LAMA4: variants seen among roughly 807,000 people sequenced by gnomAD.
LAMA4 encodes laminin subunit alpha 4.
In LAMA4, 127 loss-of-function variants were observed where a neutral mutation model predicts 207.1. That is an observed-to-expected ratio of 0.61 (90% CI 0.53 to 0.71). The LOEUF (loss-of-function observed/expected upper bound fraction) is 0.71, where lower values mean the gene tolerates loss of function less well. Ranked by LOEUF, LAMA4 falls within the 30% of genes least tolerant of loss-of-function variation. The pLI is 0.00. For missense variants in LAMA4, 2,093 were observed against 2,246.5 expected, an observed-to-expected ratio of 0.93 and a Z score of 1.38; for synonymous variants, 761 against 816.0, an observed-to-expected ratio of 0.93 and a Z score of 1.15.
chr6:112,234,497 T>C (rs1294741462), intron 2 of LAMA4: 11 of 151,996 alleles, frequency 7.2e-5, no homozygotes, highest in Non-Finnish European at 1.3e-4. Context: ...TGATTTGAAC[T>C]AACTCAAAGG....
chr6:112,161,119 C>T (rs78366040), intron 13 of LAMA4, among the ~76,000 whole-genome samples: 7,684 of 152,182 alleles, frequency 0.05, 262 homozygotes, highest in African/African-American at 0.098. Context: ...CCTTTATTTT[C>T]TGTCTAATCT....
At chr6:112,121,751 T>C in intron 32 of LAMA4, 2 of 399,892 alleles carry the variant, frequency 5.0e-6, no homozygotes, top group Non-Finnish European at 9.4e-6. Context: ...TCCATCTTCC[T>C]TTCCTTGATT....
intron 5 of LAMA4, among the ~76,000 whole-genome samples, chr6:112,197,435 A>G (rs955420907): frequency 2.6e-5 from 4 of 152,332 alleles, no homozygotes; most frequent in South Asian, 2.1e-4. Flanking sequence ...GCGAATTTGC[A>G]TGTAACATGG....
rs782176510 is a variant in LAMA4 at position 112,148,259 on chromosome 6, C to T, written c.2251G>A (p.Ala751Thr). 1 of 1,614,164 alleles carries T rather than the reference C, an allele frequency of 6.2e-7. No individual in the cohort carries two copies. The highest frequency in any genetic ancestry group is 1.1e-5 in the South Asian group (1 of 91,086). ...ANRTTMEVQQATAPMANNLTN... is the reference protein window; with the variant it reads ...ANRTTMEVQQTTAPMANNLTN... ...AGATTGTTGGCCATGGGGGCAGTGG[C>T]CTGCTGCACCTCCATCGTCGTCCTG... The change falls in exon 18 of 39, where the codon GCC (alanine) becomes ACC (threonine). Residue 751 changes from alanine (A) to threonine (T), a missense_variant. Ala to Thr is a moderately conservative substitution (Grantham distance 58). Coordinates refer to ENST00000230538, the MANE Select transcript of LAMA4 (RefSeq NM_001105206.3).
rs1019906271 is a variant in LAMA4 at position 112,108,201 on chromosome 6, A to G, written c.*1236T>C. Among the ~76,000 whole-genome samples the G allele has an allele frequency of 6.6e-6, 1 of 152,014 alleles. No individual in the cohort carries two copies. Among genetic ancestry groups the G allele is most frequent in the Non-Finnish European group, 1.5e-5 (1 of 67,980 alleles). On this transcript the variant is annotated 3_prime_UTR_variant, in exon 39 of 39. Transcript: ENST00000230538. ...TCTCCCCTCAAAAGTTACTCCTTTT[A>G]TGTATTGTTAATTCTGTTGATATCA... is the stretch of plus-strand genomic sequence containing the variant.
chr6:112,152,164 A>T (rs1780441054), intron 16 of LAMA4, among the ~76,000 whole-genome samples: 1 of 152,110 alleles, frequency 6.6e-6, no homozygotes, highest in African/African-American at 2.4e-5. Flanking sequence ...CTGGCTTCAT[A>T]AAACAAGTTC....
At chr6:112,183,950 C>CAAAAAAAAAAAAAAA (rs782424211) in intron 9 of LAMA4, among the ~76,000 whole-genome samples, 1 of 81,734 alleles carries the variant, frequency 1.2e-5, no homozygotes, top group Admixed American at 1.5e-4. Flanking sequence ...GACTCCATCT[C>CAAAAAAAAAAAAAAA]AAAAAAAAAA....
chr6:112,135,801 A>G (rs1269903582), intron 25 of LAMA4: 1 of 294,042 alleles, frequency 3.4e-6, no homozygotes, highest in Non-Finnish European at 6.5e-6. Flanking sequence ...ACTCTGGCTC[A>G]TTCAACAAAT....
chr6:112,134,996 A>G (rs1779256801), intron 25 of LAMA4, among the ~76,000 whole-genome samples: 1 of 152,118 alleles, frequency 6.6e-6, no homozygotes, highest in Non-Finnish European at 1.5e-5. Context: ...AACTACACAT[A>G]TTTTATGTAT....
chr6:112,237,092 GTCCTCAGTAC>G (rs1562765729), intron 2 of LAMA4, among the ~76,000 whole-genome samples: 1 of 152,118 alleles, frequency 6.6e-6, no homozygotes, highest in African/African-American at 2.4e-5. Context: ...CTTTGTTGTT[GTCCTCAGTAC>G]TCCCAGGTTA....
At chr6:112,127,499 A>C (rs1778769048) in intron 31 of LAMA4, among the ~76,000 whole-genome samples, 1 of 151,984 alleles carries the variant, frequency 6.6e-6, no homozygotes. Context: ...AATAGTTGGG[A>C]GGCCAGTATG....
chr6:112,145,337 A>G (rs1779957968), intron 18 of LAMA4, among the ~76,000 whole-genome samples: 1 of 152,272 alleles, frequency 6.6e-6, no homozygotes, highest in Non-Finnish European at 1.5e-5. Flanking sequence ...AGGGAGAGCC[A>G]GGGCTCAACA....
chr6:112,116,640 A>C (rs1193796577), intron 35 of LAMA4, among the ~76,000 whole-genome samples: 1 of 152,216 alleles, frequency 6.6e-6, no homozygotes, highest in Admixed American at 6.5e-5. Flanking sequence ...TGATCCAATA[A>C]AATTCTTATT....
intron 2 of LAMA4, among the ~76,000 whole-genome samples, chr6:112,221,749 C>T (rs571597294): frequency 1.3e-5 from 2 of 152,042 alleles, no homozygotes; most frequent in East Asian, 3.9e-4. Context: ...GTGGTTTCTG[C>T]ACAATGCTGA....
At chr6:112,199,558 C>CA (rs1276590660) in intron 5 of LAMA4, among the ~76,000 whole-genome samples, 2 of 152,092 alleles carry the variant, frequency 1.3e-5, no homozygotes, top group Non-Finnish European at 2.9e-5. Context: ...TCAATCAACC[C>CA]AATGTAATCG....
At chr6:112,176,060 G>T (rs541342024) in intron 10 of LAMA4, among the ~76,000 whole-genome samples, 3 of 152,270 alleles carry the variant, frequency 2.0e-5, no homozygotes, top group East Asian at 3.9e-4. Context: ...CAAAATGAGG[G>T]TTTGTTATAA....
chr6:112,139,083 A>G (rs1554332291), intron 24 of LAMA4, 37 bp downstream of exon 24: 2 of 1,596,594 alleles, frequency 1.3e-6, no homozygotes, highest in African/African-American at 2.7e-5. Flanking sequence ...AGTAAAGGAA[A>G]TAAAGGAGAA....
intron 17 of LAMA4, 138 bp downstream of exon 17, chr6:112,150,373 G>T: frequency 1.3e-6 from 1 of 759,128 alleles, no homozygotes; most frequent in Admixed American, 1.8e-5. Flanking sequence ...TTTTTGTGAT[G>T]AACGTATTTT....
At position 112,181,358 on chromosome 6, in the gene LAMA4, A is replaced by T. The variant is rs566316894; in HGVS notation, c.1078-3126T>A. On this transcript the variant is annotated intron_variant, in intron 9 of 38. Transcript: ENST00000230538. ...AATACCTGAATGACTTCCAGAGTCC[A>T]CAGGCTGAAGTCCCCATGTTCACGA... is the stretch of plus-strand genomic sequence containing the variant. Among the ~76,000 whole-genome samples the T allele has an allele frequency of 6.6e-5, 10 of 152,324 alleles. No homozygotes were observed. In the South Asian group the frequency reaches 2.1e-3, roughly 32 times the overall value.
Sources: allele counts gnomAD v4.1 joint callset (sites outside exome capture counted in the v4.1 genomes callset), GRCh38; gene constraint gnomAD v4.1.1; transcripts MANE v1.5; gene names NCBI Gene and HGNC (gene_info 2026-07-23, HGNC 2026-07-21).